DNAH14: variants seen among roughly 807,000 people sequenced by gnomAD.
DNAH14 encodes axonemal beta dynein heavy chain 14.
DNAH14 carries 478 observed loss-of-function variants against 520.9 expected under a neutral mutation model. The observed-to-expected ratio is 0.92, with a 90% CI of 0.85 to 0.99. The LOEUF is 0.99. Among genes scored for constraint, DNAH14 ranks in the 50% least tolerant of loss-of-function variants. DNAH14 has a pLI of 0.00. For missense variants in DNAH14, 4,831 were observed against 5,234.5 expected, an observed-to-expected ratio of 0.92 and a Z score of 2.38; for synonymous variants, 1,581 against 1,757.2, an observed-to-expected ratio of 0.90 and a Z score of 2.51.
Position 225,159,304 on chromosome 1 carries a change from A to C in DNAH14, c.5274-10A>C. ...TTGTTCTCTGTGTTTGTTTTCTTCT[A>C]CCATTGAAGTGATACCAGTGACAGT... On this transcript the variant is annotated splice_polypyrimidine_tract_variant and intron_variant, in intron 34 of 85. Transcript: ENST00000682510. The C allele has an allele frequency of 1.9e-6, 3 of 1,548,528 alleles. No homozygotes were observed. Among genetic ancestry groups the C allele is most frequent in the Non-Finnish European group, 2.6e-6 (3 of 1,145,290 alleles).
chr1:225,059,244 C>A (rs1333023611), intron 17 of DNAH14, among the ~76,000 whole-genome samples: 1 of 152,172 alleles, frequency 6.6e-6, no homozygotes, highest in Non-Finnish European at 1.5e-5. Context: ...GGATAGTTAG[C>A]TCTTCTTGTT....
chr1:225,311,205 T>C (rs1039881080), intron 60 of DNAH14, among the ~76,000 whole-genome samples: 14 of 152,246 alleles, frequency 9.2e-5, no homozygotes, highest in African/African-American at 2.7e-4. Flanking sequence ...CCAGTAATGA[T>C]AAGCTTTTTT....
At chr1:225,020,681 A>T (rs2065618193) in intron 10 of DNAH14, among the ~76,000 whole-genome samples, 1 of 152,072 alleles carries the variant, frequency 6.6e-6, no homozygotes. Flanking sequence ...CAGTAATAAA[A>T]CACCTAAAAA....
chr1:225,073,125 T>C (rs1364149217), intron 17 of DNAH14, among the ~76,000 whole-genome samples: 1 of 152,100 alleles, frequency 6.6e-6, no homozygotes, highest in Non-Finnish European at 1.5e-5. Context: ...AGAACACCAG[T>C]GGTGGTAGCC....
chr1:225,138,662 C>T (rs74147127), intron 27 of DNAH14, among the ~76,000 whole-genome samples: 3,773 of 152,232 alleles, frequency 0.025, 122 homozygotes, highest in African/African-American at 0.077. Context: ...TCCTGCTCCA[C>T]AGGTTGCAAA....
In DNAH14 at chr1:225,266,684, T is replaced by A; in HGVS notation, c.7454T>A (p.Met2485Lys). The change falls in exon 49 of 86, where the codon ATG (methionine) becomes AAG (lysine). Residue 2485 changes from methionine to lysine, a missense_variant. Physicochemically the swap from Met to Lys is moderately conservative, Grantham distance 95 (BLOSUM62 -1). Coordinates refer to ENST00000682510, the MANE Select transcript of DNAH14 (RefSeq NM_001367479.1). ...GATATGAATATGCCAGTATCAGATA[T>A]GTATGGAGCACAGCCACCCCTGGAA... ...IDDMNMPVSDMYGAQPPLELI... is the reference protein window; with the variant it reads ...IDDMNMPVSDKYGAQPPLELI... 4 of 1,515,666 alleles carry A rather than the reference T, an allele frequency of 2.6e-6. No individual in the cohort carries two copies. The highest frequency in any genetic ancestry group is 3.5e-6 in the Non-Finnish European group (4 of 1,137,028). The allele number at this position is 1,515,666 out of a possible 1,614,324, so 93.9% of individuals were successfully genotyped here.
chr1:225,296,337 G>A (rs76664637), intron 55 of DNAH14, among the ~76,000 whole-genome samples: 3,880 of 152,156 alleles, frequency 0.026, 76 homozygotes, highest in Non-Finnish European at 0.041. Flanking sequence ...TGAGATTATC[G>A]GGGTCAAACA....
intron 28 of DNAH14, among the ~76,000 whole-genome samples, chr1:225,141,321 G>A (rs1309848658): frequency 6.6e-6 from 1 of 151,806 alleles, no homozygotes; most frequent in East Asian, 1.9e-4. Flanking sequence ...TTTTTCTACT[G>A]TTCTGTTTTA....
At chr1:225,303,424 C>A in intron 57 of DNAH14, 77 bp downstream of exon 57, 2 of 1,295,492 alleles carry the variant, frequency 1.5e-6, no homozygotes, top group Non-Finnish European at 2.1e-6. Flanking sequence ...GAGCAACAAA[C>A]CCTAGATGGA....
intron 41 of DNAH14, among the ~76,000 whole-genome samples, chr1:225,221,689 A>G (rs1165525795): frequency 6.6e-6 from 1 of 152,148 alleles, no homozygotes; most frequent in African/African-American, 2.4e-5. Context: ...TGATGGGAGA[A>G]ATTATAAGGA....
chr1:225,273,437 T>TCAAAA (rs879515776), intron 52 of DNAH14, among the ~76,000 whole-genome samples: 1 of 152,216 alleles, frequency 6.6e-6, no homozygotes, highest in Non-Finnish European at 1.5e-5. Flanking sequence ...AGACTCCGTC[T>TCAAAA]CAAAACAAAA....
intron 42 of DNAH14, among the ~76,000 whole-genome samples, chr1:225,235,447 A>AT (rs966951354): frequency 8.8e-4 from 133 of 151,026 alleles, no homozygotes; most frequent in African/African-American, 1.8e-3. Context: ...GTTTGCCAGT[A>AT]TTTTTTTTTA....
intron 17 of DNAH14, among the ~76,000 whole-genome samples, chr1:225,063,485 G>A (rs892078134): frequency 6.6e-6 from 1 of 152,058 alleles, no homozygotes; most frequent in African/African-American, 2.4e-5. Flanking sequence ...GACATGGAGG[G>A]CTGACTGTAT....
chr1:225,102,762 C>T (rs1166121665), intron 23 of DNAH14, among the ~76,000 whole-genome samples: 2 of 152,012 alleles, frequency 1.3e-5, no homozygotes, highest in East Asian at 1.9e-4. Flanking sequence ...GTAAATCTGA[C>T]TGAGTTCATT....
At chr1:225,237,780 A>G (rs189966464) in intron 42 of DNAH14, among the ~76,000 whole-genome samples, 24 of 151,938 alleles carry the variant, frequency 1.6e-4, no homozygotes, top group East Asian at 5.8e-4. Context: ...ACATAATCCC[A>G]TAATTCTCAG....
intron 17 of DNAH14, among the ~76,000 whole-genome samples, chr1:225,059,854 C>T (rs2069764999): frequency 6.6e-6 from 1 of 152,122 alleles, no homozygotes. Context: ...GAATATTGGC[C>T]CCCACTCTCT....
intron 22 of DNAH14, among the ~76,000 whole-genome samples, chr1:225,099,398 C>A (rs923040984): frequency 6.6e-6 from 1 of 151,988 alleles, no homozygotes; most frequent in Non-Finnish European, 1.5e-5. Flanking sequence ...TTTCAACCAG[C>A]GGTAATTTTT....
intron 73 of DNAH14, among the ~76,000 whole-genome samples, chr1:225,354,751 T>A (rs1039168471): frequency 1.3e-5 from 2 of 152,144 alleles, no homozygotes; most frequent in Admixed American, 6.6e-5. Flanking sequence ...TGACATTTAC[T>A]CCCTAATTTA....
At chr1:224,939,603 G>C (rs1571892262) in intron 1 of DNAH14, among the ~76,000 whole-genome samples, 1 of 152,138 alleles carries the variant, frequency 6.6e-6, no homozygotes, top group East Asian at 1.9e-4. Context: ...AGAATGGCGT[G>C]AACCCGGGAG....
Sources: allele counts gnomAD v4.1 joint callset (sites outside exome capture counted in the v4.1 genomes callset), GRCh38; gene constraint gnomAD v4.1.1; transcripts MANE v1.5; gene names NCBI Gene and HGNC (gene_info 2026-07-23, HGNC 2026-07-21).